Variants in EYS observed in about 807,000 individuals in gnomAD.
The protein encoded by EYS is protein eyes shut homolog.
Under a neutral mutation model 282.1 loss-of-function variants are expected in EYS, and 250 were observed. The observed-to-expected ratio is 0.89, with a 90% CI of 0.80 to 0.98. The LOEUF (loss-of-function observed/expected upper bound fraction) is 0.98. EYS is among the 50% of genes least tolerant of loss of function. The probability of loss-of-function intolerance (pLI) is 0.00; values close to 1 mark genes in which losing one functional copy is unlikely to be tolerated. For synonymous variants in EYS, 1,355 were observed against 1,282.9 expected (o/e 1.06, Z -1.20); for missense variants, 4,016 against 3,709.0 (o/e 1.08, Z -2.15).
At chr6:64,085,599 G>A in intron 31 of EYS, among the ~76,000 whole-genome samples, 1 of 152,064 alleles carries the variant, frequency 6.6e-6, no homozygotes, top group East Asian at 1.9e-4. Flanking sequence ...ATACTTTCTA[G>A]TTAAATCTTG....
In EYS at chr6:65,238,294, C is replaced by A. The variant is rs894510294; in HGVS notation, c.2023+57569G>T. 7.3e-5 allele frequency among the ~76,000 whole-genome samples: 11 copies of A among 150,462 alleles called. 1 individual carries two copies. On this transcript the variant is annotated intron_variant, in intron 12 of 42. Transcript: ENST00000503581. ...ATATATGTAATATTCAAGATAGGCA[C>A]ACCAATACATGAATCAATAATACTA...
chr6:64,305,622 T>TG (rs1769412152), intron 30 of EYS, among the ~76,000 whole-genome samples: 1 of 152,162 alleles, frequency 6.6e-6, no homozygotes, highest in Non-Finnish European at 1.5e-5. Flanking sequence ...ATACATTCAA[T>TG]GGGGGAAGAA....
rs139230295 is a variant in EYS at position 64,772,875 on chromosome 6, G to A, written c.3443+40503C>T. Among the ~76,000 whole-genome samples the A allele has an allele frequency of 3.5e-3, 528 of 151,674 alleles. 2 individuals carry two copies. The highest frequency in any genetic ancestry group is 0.012 in the African/African-American group (488 of 41,378). ...GGTATGTAGTTCTCAGGATACCTGC[G>A]TCCTAACTAGGAAGGTTTCCTCAAA... On this transcript the variant is annotated intron_variant, in intron 22 of 42. Coordinates refer to ENST00000503581, the MANE Select transcript of EYS (RefSeq NM_001142800.2).
intron 12 of EYS, among the ~76,000 whole-genome samples, chr6:65,259,125 C>T (rs1438802397): frequency 1.3e-5 from 2 of 151,964 alleles, no homozygotes; most frequent in Non-Finnish European, 2.9e-5. Flanking sequence ...TTACTGAGGT[C>T]TTGTGTCTCT....
chr6:64,228,785 C>T (rs759146575), intron 31 of EYS, among the ~76,000 whole-genome samples: 26 of 152,028 alleles, frequency 1.7e-4, no homozygotes, highest in Non-Finnish European at 3.7e-4. Flanking sequence ...TCCGTGAAAC[C>T]TTGCTTAACT....
chr6:64,995,715 T>TGG (rs1771232131), intron 14 of EYS, among the ~76,000 whole-genome samples: 1 of 147,130 alleles, frequency 6.8e-6, no homozygotes, highest in Non-Finnish European at 1.5e-5. Context: ...TCTTTCTGCT[T>TGG]CCCCCCCGCC....
chr6:64,040,747 A>C (rs560231798), intron 33 of EYS, among the ~76,000 whole-genome samples: 11 of 152,334 alleles, frequency 7.2e-5, no homozygotes, highest in Admixed American at 2.0e-4. Flanking sequence ...GACAAAGTTG[A>C]GTAGTTCAAC....
intron 35 of EYS, among the ~76,000 whole-genome samples, chr6:63,898,479 A>G (rs946680871): frequency 6.7e-6 from 1 of 148,538 alleles, no homozygotes; most frequent in African/African-American, 2.5e-5. Flanking sequence ...CAAAAGAGCG[A>G]GATTCCATCT....
intron 22 of EYS, among the ~76,000 whole-genome samples, chr6:64,744,419 T>C (rs1772483382): frequency 6.6e-6 from 1 of 152,148 alleles, no homozygotes; most frequent in Non-Finnish European, 1.5e-5. Flanking sequence ...CAAGGCATCT[T>C]ATCACCTGCC....
At chr6:65,618,898 T>C (rs1248780502) in intron 2 of EYS, among the ~76,000 whole-genome samples, 1 of 152,324 alleles carries the variant, frequency 6.6e-6, no homozygotes, top group African/African-American at 2.4e-5. Flanking sequence ...CTCTGTTCTG[T>C]TCCATTGATC....
At chr6:63,885,017 C>G (rs924819195) in intron 35 of EYS, among the ~76,000 whole-genome samples, 1 of 152,068 alleles carries the variant, frequency 6.6e-6, no homozygotes, top group African/African-American at 2.4e-5. Flanking sequence ...CTTGTTCTTT[C>G]CATTTGCATC....
intron 22 of EYS, among the ~76,000 whole-genome samples, chr6:64,657,308 A>G (rs1768787155): frequency 6.6e-6 from 1 of 152,158 alleles, no homozygotes; most frequent in South Asian, 2.1e-4. Flanking sequence ...CTTTTTATCC[A>G]ATTTGCCAGT....
At chr6:63,760,919 C>T (rs1202067186) in intron 41 of EYS, among the ~76,000 whole-genome samples, 1 of 151,864 alleles carries the variant, frequency 6.6e-6, no homozygotes, top group Non-Finnish European at 1.5e-5. Context: ...AAAAGCTATT[C>T]CTTTGGGAGT....
chr6:65,521,861 G>A lies in EYS; in HGVS notation c.-332-25868C>T, dbSNP rs187682587. Among the ~76,000 whole-genome samples, 415 of 152,116 alleles carry A rather than the reference G, an allele frequency of 2.7e-3. 1 individual carries two copies. The highest frequency in any genetic ancestry group is 6.8e-3 in the Middle Eastern group (2 of 294). ...CTCATCAAAATATTCCCAGTGTCTC[G>A]TAGGGTTCTTGGTATATAACGGATG... On this transcript the variant is annotated intron_variant, in intron 2 of 42. Transcript: ENST00000503581.
At chr6:65,129,241 C>T (rs949311670) in intron 12 of EYS, among the ~76,000 whole-genome samples, 6 of 151,832 alleles carry the variant, frequency 4.0e-5, no homozygotes, top group Non-Finnish European at 7.4e-5. Context: ...AGGAAATATC[C>T]TTTTCAATAT....
At chr6:64,694,547 C>T (rs1412217276) in intron 22 of EYS, among the ~76,000 whole-genome samples, 1 of 152,108 alleles carries the variant, frequency 6.6e-6, no homozygotes, top group Non-Finnish European at 1.5e-5. Flanking sequence ...ATTCCCAGAC[C>T]CACATGCCAA....
intron 30 of EYS, among the ~76,000 whole-genome samples, chr6:64,292,180 A>G (rs1002425692): frequency 6.6e-6 from 1 of 152,078 alleles, no homozygotes; most frequent in African/African-American, 2.4e-5. Context: ...ACTTCCACAA[A>G]ACCAGCAGTT....
At position 64,439,204 on chromosome 6, in the gene EYS, A is replaced by G. The variant is rs1774853217; in HGVS notation, c.5793T>C (p.Asp1931=). ...CAATAAACAATTGAATAAAAAATCC[A>G]TCTACTAAATTTGAGTCTTGCTTGA... is the stretch of plus-strand genomic sequence containing the variant. The part of the protein sequence containing the change: ...LYVKQDSNLV[D]GFFIQLFIEN... Residue 1931 remains aspartate, a synonymous_variant, in exon 27 of 43, where the codon GAT becomes GAC. Coordinates refer to ENST00000503581, the MANE Select transcript of EYS (RefSeq NM_001142800.2). 2.0e-6 allele frequency: 3 copies of G among 1,476,576 alleles called. No individual in the cohort carries two copies. Among genetic ancestry groups the G allele is most frequent in the Non-Finnish European group, 2.7e-6 (3 of 1,114,474 alleles). 91.5% of individuals were successfully genotyped at this position (1,476,576 alleles called of 1,614,324 possible). A position where few individuals can be genotyped will look rare whatever the true frequency, so the allele number is the denominator to read the frequency against.
At chr6:64,911,838 G>A (rs1344931967) in intron 16 of EYS, among the ~76,000 whole-genome samples, 6 of 152,160 alleles carry the variant, frequency 3.9e-5, no homozygotes, top group Middle Eastern at 3.4e-3. Context: ...GACTTTCTTC[G>A]CTTGCATATG....
Sources: allele counts gnomAD v4.1 joint callset (sites outside exome capture counted in the v4.1 genomes callset), GRCh38; gene constraint gnomAD v4.1.1; transcripts MANE v1.5; gene names NCBI Gene and HGNC (gene_info 2026-07-23, HGNC 2026-07-21).